PLSCR4: variants seen among roughly 807,000 people sequenced by gnomAD.
PLSCR4 encodes Ca(2+)-dependent phospholipid scramblase 4.
PLSCR4 carries 25 observed loss-of-function variants against 36.3 expected under a neutral mutation model. The ratio of observed to expected loss-of-function variants is 0.69; its 90% CI spans 0.50 to 0.96. The LOEUF is 0.96. Ranked by LOEUF, PLSCR4 falls within the 40% of genes least tolerant of loss-of-function variation. PLSCR4 has a pLI of 0.00. For synonymous variants in PLSCR4, 122 were observed against 132.9 expected, an observed-to-expected ratio of 0.92 and a Z score of 0.56; for missense variants, 408 against 414.7, an observed-to-expected ratio of 0.98 and a Z score of 0.14.
At chr3:146,243,701 T>C (rs1443809770) in intron 1 of PLSCR4, among the ~76,000 whole-genome samples, 1 of 152,166 alleles carries the variant, frequency 6.6e-6, no homozygotes, top group East Asian at 1.9e-4. Flanking sequence ...TAAGAAATTG[T>C]GTCAGTCTGT....
chr3:146,233,978 G>A (rs369302878), intron 1 of PLSCR4, among the ~76,000 whole-genome samples: 4 of 68,426 alleles, frequency 5.8e-5, no homozygotes, highest in South Asian at 9.8e-4. Flanking sequence ...AATATAGTTC[G>A]AAGAGAAATT....
At chr3:146,222,272 T>A in intron 1 of PLSCR4, 180 bp from the exon 2 acceptor site, 1 of 333,466 alleles carries the variant, frequency 3.0e-6, no homozygotes, top group South Asian at 9.2e-5. Context: ...CTAATACAGA[T>A]GTTGAGAGTA....
At chr3:146,204,731 G>A (rs1221559570) in intron 4 of PLSCR4, among the ~76,000 whole-genome samples, 2 of 151,964 alleles carry the variant, frequency 1.3e-5, no homozygotes, top group Non-Finnish European at 2.9e-5. Flanking sequence ...TATACAATTT[G>A]AAAAGAGAAT....
chr3:146,208,951 G>C (rs193036000), intron 3 of PLSCR4, among the ~76,000 whole-genome samples: 1 of 152,062 alleles, frequency 6.6e-6, no homozygotes, highest in Non-Finnish European at 1.5e-5. Context: ...AAAGATACTT[G>C]CATATGCATG....
chr3:146,210,819 T>C (rs2034575926), intron 3 of PLSCR4, among the ~76,000 whole-genome samples: 1 of 150,380 alleles, frequency 6.6e-6, no homozygotes, highest in Non-Finnish European at 1.5e-5. Context: ...TTCATGTAAA[T>C]GAAAACATAC....
chr3:146,196,578 T>C, intron 7 of PLSCR4, 54 bp downstream of exon 7: 1 of 1,533,126 alleles, frequency 6.5e-7, no homozygotes, highest in Non-Finnish European at 9.0e-7. Flanking sequence ...CTTTCCATGG[T>C]CTGTTAATAT....
chr3:146,229,536 T>C (rs6770278), intron 1 of PLSCR4, among the ~76,000 whole-genome samples: 110,133 of 151,048 alleles, frequency 0.73, 40,811 homozygotes, highest in South Asian at 0.81. Context: ...CCCTCCTAGG[T>C]CTCATCCCAT....
At chr3:146,235,715 C>T (rs1307830885) in intron 1 of PLSCR4, among the ~76,000 whole-genome samples, 1 of 152,090 alleles carries the variant, frequency 6.6e-6, no homozygotes, top group African/African-American at 2.4e-5. Context: ...TTGAAACTTC[C>T]TAGAGACTTG....
At chr3:146,239,726 A>C (rs1253614115) in intron 1 of PLSCR4, among the ~76,000 whole-genome samples, 1 of 151,990 alleles carries the variant, frequency 6.6e-6, no homozygotes, top group African/African-American at 2.4e-5. Context: ...TCTACTAAAA[A>C]TACAAAAACA....
intron 1 of PLSCR4, among the ~76,000 whole-genome samples, chr3:146,248,878 TCAA>T (rs1204699226): frequency 6.6e-6 from 1 of 152,188 alleles, no homozygotes; most frequent in East Asian, 1.9e-4. Context: ...CACTGCATTT[TCAA>T]CAACACCTAA....
At chr3:146,205,473 C>T (rs1180079766) in intron 4 of PLSCR4, among the ~76,000 whole-genome samples, 1 of 151,976 alleles carries the variant, frequency 6.6e-6, no homozygotes, top group Admixed American at 6.6e-5. Context: ...CTTTCCTTGA[C>T]ATATCCAAAT....
Position 146,214,184 on chromosome 3 carries a change from G to C in PLSCR4, c.118+6631C>G, listed in dbSNP as rs1456737002. Among the ~76,000 whole-genome samples the C allele has an allele frequency of 3.2e-4, 3 of 9,270 alleles. 1 individual carries two copies. Among genetic ancestry groups the C allele is most frequent in the South Asian group, 0.011 (2 of 186 alleles). The allele number at this position is 9,270 out of a possible 152,430, so 6.1% of individuals were successfully genotyped here. On this transcript the variant is annotated intron_variant, in intron 3 of 8. Transcript: ENST00000354952. The stretch of plus-strand genomic sequence containing the variant: ...TCGCCCAGGCTGGAGTGCAGTGGCG[G>C]GATCTCGGCTCACTGCAAGCTCCGC...
intron 1 of PLSCR4, among the ~76,000 whole-genome samples, chr3:146,237,249 G>A (rs2035956878): frequency 6.6e-6 from 1 of 152,038 alleles, no homozygotes; most frequent in Admixed American, 6.6e-5. Flanking sequence ...TTCATAAAGA[G>A]AAGAAAAAAT....
At chr3:146,230,717 C>T (rs533193594) in intron 1 of PLSCR4, among the ~76,000 whole-genome samples, 41 of 152,142 alleles carry the variant, frequency 2.7e-4, no homozygotes, top group African/African-American at 8.2e-4. Flanking sequence ...GAAGAAAATT[C>T]GCAGCAGTAA....
intron 1 of PLSCR4, among the ~76,000 whole-genome samples, chr3:146,240,958 T>C (rs1233909691): frequency 1.3e-5 from 2 of 152,120 alleles, no homozygotes; most frequent in Admixed American, 6.5e-5. Context: ...ATCGGTAAAC[T>C]GATCAATTTT....
intron 1 of PLSCR4, among the ~76,000 whole-genome samples, chr3:146,244,165 T>G (rs1388033584): frequency 6.6e-6 from 1 of 152,120 alleles, no homozygotes; most frequent in Non-Finnish European, 1.5e-5. Context: ...TCCACATGGG[T>G]GATTGAGATA....
intron 1 of PLSCR4, among the ~76,000 whole-genome samples, chr3:146,246,304 T>C (rs986760529): frequency 1.3e-5 from 2 of 152,200 alleles, no homozygotes; most frequent in East Asian, 1.9e-4. Context: ...AAGATTTTTA[T>C]TGTGTTGTTT....
intron 7 of PLSCR4, among the ~76,000 whole-genome samples, chr3:146,195,769 G>A (rs943962433): frequency 5.9e-5 from 9 of 152,190 alleles, no homozygotes; most frequent in Admixed American, 4.6e-4. Context: ...ACTTGTCACA[G>A]GGAAAATATC....
In PLSCR4 at chr3:146,231,757, G is replaced by A. The variant is rs541397761; in HGVS notation, c.-21-9665C>T. ...AATTCCTTACAGATTCTGAATATTC[G>A]ACCTTTGTCAGATGTGCAGTTTGTA... On this transcript the variant is annotated intron_variant, in intron 1 of 8. Coordinates refer to ENST00000354952, the MANE Select transcript of PLSCR4 (RefSeq NM_020353.3). Among the ~76,000 whole-genome samples, 18 of 152,084 alleles carry A rather than the reference G, an allele frequency of 1.2e-4. No homozygotes were observed. The East Asian group carries it at 1.4e-3, about 11-fold the overall frequency.
Sources: allele counts gnomAD v4.1 joint callset (sites outside exome capture counted in the v4.1 genomes callset), GRCh38; gene constraint gnomAD v4.1.1; transcripts MANE v1.5; gene names NCBI Gene and HGNC (gene_info 2026-07-23, HGNC 2026-07-21).